The following GSN variants were observed in gnomAD, a reference collection of about 807,000 sequenced individuals.
The protein encoded by GSN is gelsolin, also known as actin-depolymerizing factor.
In GSN, 56 loss-of-function variants were observed where a neutral mutation model predicts 85.7. The observed-to-expected ratio is 0.65, with a 90% CI of 0.53 to 0.82. The LOEUF (loss-of-function observed/expected upper bound fraction) is 0.82. Among genes scored for constraint, GSN ranks in the 40% least tolerant of loss-of-function variants. The pLI, the probability that GSN is intolerant of heterozygous loss-of-function variation, is 0.00. For missense variants in GSN, 857 were observed against 979.8 expected (o/e 0.87, Z 1.67); for synonymous variants, 373 against 399.1 (o/e 0.93, Z 0.78).
In GSN at chr9:121,332,334, AC is replaced by A. The variant is rs2064028767; in HGVS notation, c.2027-97del. The A allele has an allele frequency of 2.8e-6, 3 of 1,064,528 alleles. No homozygotes were observed. In the South Asian group the frequency reaches 3.8e-5, roughly 13 times the overall value. 65.9% of individuals were successfully genotyped at this position (1,064,528 alleles called of 1,614,324 possible). A position where few individuals can be genotyped will look rare whatever the true frequency, so the allele number is the denominator to read the frequency against. ...GGCAGTAGGGACAGTAGGACCATAGACCCTCTTCTTTGTCAACTCCTGTCCT... is the reference window on the plus strand; with the variant it reads ...GGCAGTAGGGACAGTAGGACCATAGACCTCTTCTTTGTCAACTCCTGTCCT... On this transcript the variant is annotated intron_variant, in intron 17 of 17. Transcript: ENST00000432226. This position sits in a 1 kb window ranked among gnomAD's most constrained non-coding sequence, Gnocchi z 4.8.
intron 4 of GSN, chr9:121,310,383 A>C (rs2060965509): frequency 9.4e-6 from 4 of 427,210 alleles, no homozygotes; most frequent in South Asian, 8.8e-5. Flanking sequence ...GGTCCTTGTT[A>C]GTGGAGTATG....
At chr9:121,259,759 G>A (rs987475186) in intron 6 of GSN, among the ~76,000 whole-genome samples, 1 of 152,152 alleles carries the variant, frequency 6.6e-6, no homozygotes, top group East Asian at 1.9e-4. Flanking sequence ...GCCTTTCGTG[G>A]GTCTCATGAA....
chr9:121,232,932 C>G (rs2054422061), intron 5 of GSN, among the ~76,000 whole-genome samples: 1 of 152,170 alleles, frequency 6.6e-6, no homozygotes, highest in Non-Finnish European at 1.5e-5. Context: ...GTTGAGTCCC[C>G]TGATAGAAGT....
In GSN at chr9:121,326,616, A is replaced by G. The variant is rs1440417750; in HGVS notation, c.1521A>G (p.Thr507=). ...GCACCTCCCGCGAGGGCGGGCAGAC[A>G]GCCCCTGCCAGCACCCGCCTCTTCC... The part of the protein sequence containing the change: ...KGGTSREGGQ[T]APASTRLFQV... The change falls in exon 13 of 18, where the codon ACA becomes ACG. Residue 507 remains threonine (T), a synonymous_variant. Coordinates refer to ENST00000432226, the MANE Select transcript of GSN (RefSeq NM_198252.3). 2 of 1,601,966 alleles carry G rather than the reference A, an allele frequency of 1.2e-6. No individual in the cohort carries two copies. The highest frequency in any genetic ancestry group is 8.5e-7 in the Non-Finnish European group (1 of 1,173,264).
At chr9:121,327,218 G>A (rs1426381259) in intron 13 of GSN, 90 bp from the exon 14 acceptor site, 1 of 1,037,992 alleles carries the variant, frequency 9.6e-7, no homozygotes, top group Admixed American at 1.7e-5. Flanking sequence ...CCACCTGAGA[G>A]CTAGTCCTGC....
At chr9:121,302,883 A>G in intron 3 of GSN, 28 bp from the exon 4 acceptor site, 1 of 1,612,314 alleles carries the variant, frequency 6.2e-7, no homozygotes, top group Non-Finnish European at 8.5e-7. Flanking sequence ...CTGGAAAGCC[A>G]GGCTCATATT....
intron 5 of GSN, among the ~76,000 whole-genome samples, chr9:121,233,599 C>T (rs186217146): frequency 3.3e-5 from 5 of 152,252 alleles, no homozygotes; most frequent in African/African-American, 1.2e-4. Context: ...GGTTCCAACC[C>T]CACCTAGCAA....
Position 121,299,086 on chromosome 9 carries a change from G to T in GSN, c.-9-2877G>T, listed in dbSNP as rs781008350. Among the ~76,000 whole-genome samples the T allele has an allele frequency of 1.6e-4, 24 of 152,218 alleles. No individual in the cohort carries two copies. Among genetic ancestry groups the T allele is most frequent in the Admixed American group, 4.6e-4 (7 of 15,292 alleles). ...GGTAGATAGCAGTGGTTGCCCCTGG[G>T]GAGAGGTAAATGTGATGGAGAGGGA... On this transcript the variant is annotated intron_variant, in intron 2 of 17. Transcript: ENST00000432226. This position sits in a 1 kb window ranked among gnomAD's most constrained non-coding sequence, Gnocchi z 4.2.
At chr9:121,279,148 C>T (rs908943039) in intron 1 of GSN, among the ~76,000 whole-genome samples, 1 of 152,164 alleles carries the variant, frequency 6.6e-6, no homozygotes, top group Non-Finnish European at 1.5e-5. Context: ...ACGGAGACTA[C>T]ACGGAGGACT....
intron 1 of GSN, among the ~76,000 whole-genome samples, chr9:121,276,645 G>T (rs1358160476): frequency 1.3e-5 from 2 of 152,192 alleles, no homozygotes; most frequent in Non-Finnish European, 2.9e-5. Context: ...ACAGATACTT[G>T]TGCCCTGAGA....
chr9:121,252,337 G>A (rs2054856745), intron 6 of GSN, among the ~76,000 whole-genome samples: 1 of 152,244 alleles, frequency 6.6e-6, no homozygotes, highest in South Asian at 2.1e-4. Context: ...GGGGAGTTGG[G>A]AGAAGACTCC....
chr9:121,327,237 C>A, intron 13 of GSN, 71 bp from the exon 14 acceptor site: 2 of 1,253,144 alleles, frequency 1.6e-6, no homozygotes, highest in Non-Finnish European at 1.2e-6. Context: ...GCTGCGGGGT[C>A]TCCTGGGCTG....
intron 4 of GSN, among the ~76,000 whole-genome samples, chr9:121,216,756 C>T (rs2054071677): frequency 2.6e-5 from 4 of 152,188 alleles, no homozygotes; most frequent in Admixed American, 2.6e-4. Flanking sequence ...GGAATTTTAC[C>T]TTGGTCATTG....
intron 2 of GSN, among the ~76,000 whole-genome samples, chr9:121,291,381 G>A (rs2058667525): frequency 6.6e-6 from 1 of 151,760 alleles, no homozygotes; most frequent in Non-Finnish European, 1.5e-5. Context: ...TGGATAGGGA[G>A]GGACAACTAT....
intron 4 of GSN, chr9:121,222,149 T>C (rs1007273232): frequency 6.6e-6 from 1 of 152,200 alleles, no homozygotes; most frequent in Non-Finnish European, 1.5e-5. Flanking sequence ...TTGGATCATA[T>C]GAAATGTATA....
chr9:121,251,184 G>GTTTTTTTTTTTTTTTT (rs1339859188), intron 6 of GSN, among the ~76,000 whole-genome samples: 27 of 6,336 alleles, frequency 4.3e-3, no homozygotes, highest in South Asian at 0.013. Flanking sequence ...CAGCTGATGT[G>GTTTTTTTTTTTTTTTT]TTCTTTTTTT....
chr9:121,224,491 T>C (rs1282114022), intron 4 of GSN, among the ~76,000 whole-genome samples: 2 of 152,088 alleles, frequency 1.3e-5, no homozygotes, highest in East Asian at 3.9e-4. Flanking sequence ...CTCTCCCTAG[T>C]GGTAGAGCTA....
chr9:121,253,576 G>T (rs1050851778), intron 6 of GSN, among the ~76,000 whole-genome samples: 2 of 152,212 alleles, frequency 1.3e-5, no homozygotes, highest in African/African-American at 4.8e-5. Context: ...AAGTTATATG[G>T]TATGAGTGGG....
rs888370448 is a variant in GSN, at chr9:121,329,113, G to A, written c.1887+98G>A. Reference sequence around the variant, plus strand: ...GGGCAGGAGAAACAGTTCTGATGGTGTGGCACAGAGGAAGGGGCCCCCTGC... The same window carrying A: ...GGGCAGGAGAAACAGTTCTGATGGTATGGCACAGAGGAAGGGGCCCCCTGC... On this transcript the variant is annotated intron_variant, in intron 15 of 17. Coordinates refer to ENST00000432226, the MANE Select transcript of GSN (RefSeq NM_198252.3). This position sits in a 1 kb window ranked among gnomAD's most constrained non-coding sequence, Gnocchi z 4.6. 6.4e-7 allele frequency: 1 copy of A among 1,553,226 alleles called. No individual in the cohort carries two copies. The highest frequency in any genetic ancestry group is 8.8e-7 in the Non-Finnish European group (1 of 1,134,366).
Sources: gnomAD v4.1 joint callset for allele counts (sites outside exome capture counted in the v4.1 genomes callset) on GRCh38, gnomAD v4.1.1 for gene constraint, Gnocchi (gnomAD v3.1) non-coding constraint, MANE v1.5 for transcripts, NCBI Gene and HGNC (gene_info 2026-07-23, HGNC 2026-07-21) for gene names.